NONO: variants seen among roughly 807,000 people sequenced by gnomAD.
The protein encoded by NONO is non-POU domain-containing octamer-binding protein.
Under a neutral mutation model 40.2 loss-of-function variants are expected in NONO, and 6 were observed. The observed-to-expected ratio is 0.15, with a 90% CI of 0.08 to 0.29. The LOEUF (loss-of-function observed/expected upper bound fraction) is 0.29, where lower values mean the gene tolerates loss of function less well. Among genes scored for constraint, NONO ranks in the 10% least tolerant of loss-of-function variants. NONO has a pLI of 1.00. For synonymous variants in NONO, 89 were observed against 123.3 expected, an observed-to-expected ratio of 0.72 and a Z score of 1.85; for missense variants, 133 against 397.8, an observed-to-expected ratio of 0.33 and a Z score of 5.66.
In NONO at chrX:71,299,965, T is replaced by C. The variant is rs772883079; in HGVS notation, c.1305T>C (p.Phe435=). 21 of 1,209,545 alleles carry C rather than the reference T, an allele frequency of 1.7e-5. No homozygotes were observed. Among genetic ancestry groups the C allele is most frequent in the Non-Finnish European group, 2.3e-5 (21 of 895,040 alleles). The change falls in exon 12 of 12, where the codon TTT becomes TTC. Residue 435 remains phenylalanine (F), a synonymous_variant. Coordinates refer to ENST00000276079, the MANE Select transcript of NONO (RefSeq NM_007363.5). ...LGLTPPTTER[F]GQAATMEGIG... ...AGACCCCACCAACAACTGAACGCTT[T>C]GGTCAGGCTGCTACAATGGAAGGAA...
chrX:71,296,671 T>G lies in NONO; in HGVS notation c.746+11T>G, dbSNP rs1296926519. On this transcript the variant is annotated intron_variant, in intron 6 of 11. Coordinates refer to ENST00000276079, the MANE Select transcript of NONO (RefSeq NM_007363.5). Reference sequence around the variant, plus strand: ...CCAGCAATTTCACAAGTATGCAGTCTTGATAGATTTCCCTATTAGGTGTTT... The same window carrying G: ...CCAGCAATTTCACAAGTATGCAGTCGTGATAGATTTCCCTATTAGGTGTTT... The G allele has an allele frequency of 8.8e-7, 1 of 1,138,386 alleles. No homozygotes were observed. The highest frequency in any genetic ancestry group is 1.2e-6 in the Non-Finnish European group (1 of 840,059). 93.8% of individuals were successfully genotyped at this position (1,138,386 alleles called of 1,213,427 possible).
chrX:71,285,530 G>C (rs1161969804), intron 2 of NONO, among the ~76,000 whole-genome samples: 1 of 111,473 alleles, frequency 9.0e-6, no homozygotes, highest in Non-Finnish European at 1.9e-5. Context: ...CTGAAAGCCA[G>C]AAGACATTTA....
chrX:71,297,349 G>T (rs891187489), intron 7 of NONO, 28 bp from the exon 8 acceptor site: 2 of 1,108,821 alleles, frequency 1.8e-6, no homozygotes, highest in Admixed American at 5.3e-5. Flanking sequence ...AGACAATGAG[G>T]AATATTCTTA....
At chrX:71,299,906 G>A in intron 11 of NONO, 36 bp from the exon 12 acceptor site, 1 of 1,206,357 alleles carries the variant, frequency 8.3e-7, no homozygotes, top group Non-Finnish European at 1.1e-6. Flanking sequence ...TCCAACAATG[G>A]CTCTGTTACA....
At chrX:71,287,716 A>C (rs1387284035) in intron 2 of NONO, among the ~76,000 whole-genome samples, 1 of 108,744 alleles carries the variant, frequency 9.2e-6, no homozygotes, top group Non-Finnish European at 1.9e-5. Context: ...ACAGGGTCTC[A>C]TTCTGTTGCC....
At chrX:71,293,412 G>A (rs760202376) in intron 4 of NONO, among the ~76,000 whole-genome samples, 4 of 109,492 alleles carry the variant, frequency 3.7e-5, no homozygotes, top group African/African-American at 6.6e-5. Context: ...GTTAAACCCC[G>A]TCTCTATTAA....
chrX:71,298,926 C>CT (rs908514265), intron 11 of NONO, 110 bp downstream of exon 11: 18,019 of 352,863 alleles, frequency 0.051, no homozygotes, highest in East Asian at 0.063. Flanking sequence ...AGATAGCAGT[C>CT]TTTTTTTTTT....
intron 9 of NONO, 74 bp downstream of exon 9, chrX:71,298,012 C>T (rs1207868629): frequency 2.3e-5 from 15 of 649,061 alleles, no homozygotes; most frequent in Non-Finnish European, 3.4e-5. Flanking sequence ...GCTAGGTTAC[C>T]GGTTATGACC....
chrX:71,291,413 T>TG (rs1569238886), intron 3 of NONO, among the ~76,000 whole-genome samples: 2 of 111,224 alleles, frequency 1.8e-5, no homozygotes, highest in African/African-American at 6.5e-5. Context: ...TTGTTTTTTT[T>TG]TTTGTTTGTT....
At chrX:71,297,101 A>G (rs1257609908) in intron 7 of NONO, 54 bp downstream of exon 7, 1 of 1,023,400 alleles carries the variant, frequency 9.8e-7, no homozygotes, top group Admixed American at 3.4e-5. Context: ...ACATTTTTAA[A>G]TGGGTTTCTT....
intron 8 of NONO, 34 bp from the exon 9 acceptor site, chrX:71,297,802 C>T (rs755369611): frequency 1.6e-5 from 17 of 1,068,351 alleles, no homozygotes; most frequent in Non-Finnish European, 2.1e-5. Context: ...TTCTGAAATG[C>T]CTCTGTCTTA....
chrX:71,288,950 A>G (rs2031261523), intron 2 of NONO, among the ~76,000 whole-genome samples: 1 of 112,392 alleles, frequency 8.9e-6, no homozygotes, highest in Non-Finnish European at 1.9e-5. Context: ...CTCACAGCCC[A>G]TACTAGTACC....
chrX:71,297,581 T>C (rs1022132955), intron 8 of NONO, 120 bp downstream of exon 8: 14 of 577,313 alleles, frequency 2.4e-5, no homozygotes, highest in Non-Finnish European at 3.9e-5. Context: ...TCCTGGCTGC[T>C]TCTCAGGTTC....
intron 2 of NONO, among the ~76,000 whole-genome samples, chrX:71,285,397 C>T (rs2031166110): frequency 9.0e-6 from 1 of 111,632 alleles, no homozygotes; most frequent in African/African-American, 3.3e-5. Flanking sequence ...GCTACACCTG[C>T]TCATGGCGTT....
chrX:71,294,842 C>G (rs993242573), intron 5 of NONO, among the ~76,000 whole-genome samples: 3 of 111,239 alleles, frequency 2.7e-5, no homozygotes, highest in African/African-American at 9.8e-5. Flanking sequence ...TCGCTTGAAC[C>G]CAGGAGGCAG....
At chrX:71,283,944 G>C (rs1350247816) in intron 1 of NONO, 1 of 111,870 alleles carries the variant, frequency 8.9e-6, no homozygotes, top group East Asian at 2.8e-4. Context: ...TTTCGTTCCT[G>C]CCCTGTTTCT....
intron 5 of NONO, among the ~76,000 whole-genome samples, chrX:71,294,775 CA>C (rs1233666024): frequency 9.0e-6 from 1 of 110,725 alleles, no homozygotes; most frequent in Non-Finnish European, 1.9e-5. Flanking sequence ...AAAAATTAGC[CA>C]AACATGGTGG....
Position 71,300,372 on chromosome X carries a change from A to G in NONO, c.*296A>G. ...AAGTGGATCCAGTTAGAGCCCATTA[A>G]TCTTGATCATTCCGGTTTTTTTTTT... is the stretch of plus-strand genomic sequence containing the variant. On this transcript the variant is annotated 3_prime_UTR_variant, in exon 12 of 12. Coordinates refer to ENST00000276079, the MANE Select transcript of NONO (RefSeq NM_007363.5). 1 of 306,025 alleles carries G rather than the reference A, an allele frequency of 3.3e-6. No homozygotes were observed. The highest frequency in any genetic ancestry group is 5.7e-5 in the East Asian group (1 of 17,445). 25.2% of individuals were successfully genotyped at this position (306,025 alleles called of 1,213,427 possible). A position where few individuals can be genotyped will look rare whatever the true frequency, so the allele number is the denominator to read the frequency against.
In NONO at chrX:71,291,731, A is replaced by G. The variant is rs745336842; in HGVS notation, c.155-48A>G. 3 of 967,689 alleles carry G rather than the reference A, an allele frequency of 3.1e-6. No homozygotes were observed. In the Admixed American group the frequency reaches 1.0e-4, roughly 33 times the overall value. The allele number at this position is 967,689 out of a possible 1,213,427, so 79.7% of individuals were successfully genotyped here. A position where few individuals can be genotyped will look rare whatever the true frequency, so the allele number is the denominator to read the frequency against. On this transcript the variant is annotated intron_variant, in intron 3 of 11. Transcript: ENST00000276079. Reference sequence around the variant, plus strand: ...GTTATAGGTCTTTGAGGATACGACTATAATTCTATTTCCCCAGTCTTTTAA... The same window carrying G: ...GTTATAGGTCTTTGAGGATACGACTGTAATTCTATTTCCCCAGTCTTTTAA...
Sources: gnomAD v4.1 joint callset for allele counts (sites outside exome capture counted in the v4.1 genomes callset) on GRCh38, gnomAD v4.1.1 for gene constraint, MANE v1.5 for transcripts, NCBI Gene and HGNC (gene_info 2026-07-23, HGNC 2026-07-21) for gene names.